The following MERTK variants were observed in gnomAD, a reference collection of about 807,000 sequenced individuals.
MERTK encodes the protein tyrosine-protein kinase Mer.
Under a neutral mutation model 99.3 loss-of-function variants are expected in MERTK, and 69 were observed. The observed-to-expected ratio is 0.70, with a 90% confidence interval of 0.57 to 0.85. MERTK has a LOEUF of 0.85. Ranked by LOEUF, MERTK falls within the 40% of genes least tolerant of loss-of-function variation. The probability of loss-of-function intolerance (pLI) is 0.00; values close to 1 mark genes in which losing one functional copy is unlikely to be tolerated. For missense variants in MERTK, 1,125 were observed against 1,249.4 expected, an observed-to-expected ratio of 0.90 and a Z score of 1.50; for synonymous variants, 426 against 467.6, an observed-to-expected ratio of 0.91 and a Z score of 1.15.
rs766406964 is a variant in MERTK, at chr2:111,945,019, A to G, written c.542A>G (p.Asn181Ser). 4 of 1,613,824 alleles carry G rather than the reference A, an allele frequency of 2.5e-6. No homozygotes were observed. The highest frequency in any genetic ancestry group is 2.5e-6 in the Non-Finnish European group (3 of 1,179,802). ...TATATCTGTAAGATGAAAATAAACA[A>G]TGAAGAGATCGTGTCTGATCCCATC... ...GSYICKMKIN[N>S]EEIVSDPIYI... The change falls in exon 3 of 19, where the codon AAT (asparagine) becomes AGT (serine). Residue 181 changes from asparagine (N) to serine (S), a missense_variant. Coordinates refer to ENST00000295408, the MANE Select transcript of MERTK (RefSeq NM_006343.3).
chr2:111,963,413 G>A (rs1558788174), intron 4 of MERTK, among the ~76,000 whole-genome samples: 1 of 152,180 alleles, frequency 6.6e-6, no homozygotes, highest in South Asian at 2.1e-4. Flanking sequence ...CTGGGGGACG[G>A]TCAGGTCTTT....
intron 3 of MERTK, 84 bp downstream of exon 3, chr2:111,945,144 A>G (rs917747337): frequency 1.8e-6 from 2 of 1,099,920 alleles, no homozygotes; most frequent in Non-Finnish European, 1.4e-6. Flanking sequence ...AATACTCTAG[A>G]GTTTTGCCTG....
chr2:112,008,704 GTTT>G, intron 14 of MERTK: 1 of 603,092 alleles, frequency 1.7e-6, no homozygotes. Flanking sequence ...AATGATTTGA[GTTT>G]TCCACAGAAT....
chr2:111,911,309 C>A (rs1039302232), intron 1 of MERTK, among the ~76,000 whole-genome samples: 2 of 152,116 alleles, frequency 1.3e-5, no homozygotes, highest in Non-Finnish European at 2.9e-5. Context: ...AAAAGTGTAA[C>A]CTTTGTTCAT....
In MERTK at chr2:111,929,357, T is replaced by G; in HGVS notation, c.299T>G (p.Val100Gly). ...PLPPLAFKHT[V>G]GHIILSEHKG... ...CCGCCTCTTGCCTTCAAACACACAG[T>G]TGGACACATAATACTTTCTGAACAT... The change falls in exon 2 of 19, where the codon GTT becomes GGT. Residue 100 changes from valine to glycine, a missense_variant. Physicochemically the swap from Val to Gly is moderately radical, Grantham distance 109. Coordinates refer to ENST00000295408, the MANE Select transcript of MERTK (RefSeq NM_006343.3). The G allele has an allele frequency of 6.2e-7, 1 of 1,614,184 alleles. No individual in the cohort carries two copies. The highest frequency in any genetic ancestry group is 8.5e-7 in the Non-Finnish European group (1 of 1,180,038).
At chr2:112,026,366 A>C (rs1677460737) in intron 18 of MERTK, among the ~76,000 whole-genome samples, 1 of 152,168 alleles carries the variant, frequency 6.6e-6, no homozygotes, top group African/African-American at 2.4e-5. Context: ...GAAATAAATG[A>C]AAGTAAGTTA....
chr2:111,978,395 T>G lies in MERTK; in HGVS notation c.1144+2923T>G, dbSNP rs140584539. ...CCTGACTTAAGGTGATCTGCCTGCC[T>G]TGGCCTCCCAAAGTGCTGGGATAAC... On this transcript the variant is annotated intron_variant, in intron 7 of 18. Transcript: ENST00000295408. Among the ~76,000 whole-genome samples, 15 of 152,330 alleles carry G rather than the reference T, an allele frequency of 9.8e-5. No homozygotes were observed. In the East Asian group the frequency reaches 2.9e-3, roughly 29 times the overall value.
At chr2:111,981,738 T>C (rs11679225) in intron 7 of MERTK, among the ~76,000 whole-genome samples, 17 of 25,040 alleles carry the variant, frequency 6.8e-4, no homozygotes, top group South Asian at 3.4e-3. Context: ...TACACTCGTG[T>C]ACACACACAC....
chr2:111,969,131 C>T (rs1174533044), intron 6 of MERTK, among the ~76,000 whole-genome samples: 6 of 152,170 alleles, frequency 3.9e-5, no homozygotes, highest in African/African-American at 7.2e-5. Context: ...AAGCTGTGCT[C>T]TTGAGTTTTC....
rs767482756 is a variant in MERTK at position 112,001,322 on chromosome 2, T to TA, written c.1690+40dup. 4.0e-6 allele frequency: 6 copies of TA among 1,506,192 alleles called. No homozygotes were observed. In the East Asian group the frequency reaches 1.4e-4, roughly 34 times the overall value. The allele number at this position is 1,506,192 out of a possible 1,614,324, so 93.3% of individuals were successfully genotyped here. A position where few individuals can be genotyped will look rare whatever the true frequency, so the allele number is the denominator to read the frequency against. ...TTTCATTTCCCTTTTTGGCAAAAGT[T>TA]AAAATAGTTGAGAACAAAGAAGGAT... is the stretch of plus-strand genomic sequence containing the variant. On this transcript the variant is annotated intron_variant, in intron 11 of 18. Transcript: ENST00000295408.
chr2:111,950,058 C>T (rs1019628526), intron 4 of MERTK, among the ~76,000 whole-genome samples: 14 of 152,272 alleles, frequency 9.2e-5, no homozygotes, highest in Admixed American at 3.9e-4. Context: ...CTGCCTCAGC[C>T]TCCTGAGTAG....
chr2:111,942,571 A>G (rs1347319789), intron 2 of MERTK, among the ~76,000 whole-genome samples: 2 of 152,158 alleles, frequency 1.3e-5, no homozygotes, highest in African/African-American at 4.8e-5. Flanking sequence ...TTCTCCTGGT[A>G]ACCTCTAAGC....
chr2:111,907,009 C>T (rs1684149214), intron 1 of MERTK, among the ~76,000 whole-genome samples: 2 of 151,886 alleles, frequency 1.3e-5, no homozygotes, highest in African/African-American at 2.4e-5. Flanking sequence ...GTTTGGGACA[C>T]AGAGCCTCAG....
Position 111,925,275 on chromosome 2 carries a change from G to GAGATATATATATATATATATATATATAT in MERTK, c.62-3844_62-3843insGATATATATATATATATATATATATATA, listed in dbSNP as rs1553446636. The stretch of plus-strand genomic sequence containing the variant: ...CTGGTAAATCAAATTGTACAGATCA[G>GAGATATATATATATATATATATATATAT]ATATATATATATATATATTTTTTTT... On this transcript the variant is annotated intron_variant, in intron 1 of 18. Transcript: ENST00000295408. Among the ~76,000 whole-genome samples, 13 of 52,170 alleles carry GAGATATATATATATATATATATATATAT rather than the reference G, an allele frequency of 2.5e-4. 2 individuals are homozygous for GAGATATATATATATATATATATATATAT. Among genetic ancestry groups the GAGATATATATATATATATATATATATAT allele is most frequent in the African/African-American group, 1.2e-3 (13 of 10,490 alleles). 34.2% of individuals were successfully genotyped at this position (52,170 alleles called of 152,430 possible).
chr2:112,028,788 T>C lies in MERTK; in HGVS notation c.2924T>C (p.Leu975Pro), dbSNP rs1383025218. 3 of 1,614,094 alleles carry C rather than the reference T, an allele frequency of 1.9e-6. No individual in the cohort carries two copies. The highest frequency in any genetic ancestry group is 2.5e-6 in the Non-Finnish European group (3 of 1,179,998). Residue 975 changes from leucine to proline, a missense_variant, in exon 19 of 19, where the codon CTG (leucine) becomes CCG (proline). Coordinates refer to ENST00000295408, the MANE Select transcript of MERTK (RefSeq NM_006343.3). Reference sequence around the variant, plus strand: ...GTCTCCTGGTCCCATTCGAGCATGCTGCCCTTGGGAAGCTCATTGCCCGAT... The same window carrying C: ...GTCTCCTGGTCCCATTCGAGCATGCCGCCCTTGGGAAGCTCATTGCCCGAT... The part of the protein sequence containing the change: ...NGVSWSHSSM[L>P]PLGSSLPDEL...
At chr2:111,930,517 G>C (rs1036162947) in intron 2 of MERTK, 1 of 151,518 alleles carries the variant, frequency 6.6e-6, no homozygotes, top group Non-Finnish European at 1.5e-5. Context: ...CGTCCCTTCA[G>C]TTACCCTGCC....
At chr2:111,904,908 G>A (rs1402097936) in intron 1 of MERTK, among the ~76,000 whole-genome samples, 1 of 152,202 alleles carries the variant, frequency 6.6e-6, no homozygotes, top group Non-Finnish European at 1.5e-5. Flanking sequence ...CCGGGAGGGA[G>A]CCCTGATTAC....
At position 112,029,137 on chromosome 2, in the gene MERTK, T is replaced by G. The variant is rs1183094163; in HGVS notation, c.*273T>G. 21 of 1,119,312 alleles carry G rather than the reference T, an allele frequency of 1.9e-5. No individual in the cohort carries two copies. Among genetic ancestry groups the G allele is most frequent in the Non-Finnish European group, 2.3e-5 (21 of 909,618 alleles). The allele number at this position is 1,119,312 out of a possible 1,614,324, so 69.3% of individuals were successfully genotyped here. A position where few individuals can be genotyped will look rare whatever the true frequency, so the allele number is the denominator to read the frequency against. On this transcript the variant is annotated 3_prime_UTR_variant, in exon 19 of 19. Coordinates refer to ENST00000295408, the MANE Select transcript of MERTK (RefSeq NM_006343.3). ...TTCACTTATCTTGCATATCTTAAAATTAAGCTTCAGCTGCTCCTTGATATT... is the reference window on the plus strand; with the variant it reads ...TTCACTTATCTTGCATATCTTAAAAGTAAGCTTCAGCTGCTCCTTGATATT...
At chr2:112,027,751 A>G (rs928191666) in intron 18 of MERTK, among the ~76,000 whole-genome samples, 9 of 152,202 alleles carry the variant, frequency 5.9e-5, no homozygotes, top group South Asian at 2.1e-4. Context: ...GATACGCAGC[A>G]CACAACTACC....
Sources: gnomAD v4.1 joint callset for allele counts (sites outside exome capture counted in the v4.1 genomes callset) on GRCh38, gnomAD v4.1.1 for gene constraint, MANE v1.5 for transcripts, NCBI Gene and HGNC (gene_info 2026-07-23, HGNC 2026-07-21) for gene names.